The following DEAF1 variants were observed in gnomAD, a reference collection of about 807,000 sequenced individuals.
The protein encoded by DEAF1 is deformed epidermal autoregulatory factor 1 homolog.
Under a neutral mutation model 58.9 loss-of-function variants are expected in DEAF1, and 53 were observed. The ratio of observed to expected loss-of-function variants is 0.90; its 90% CI spans 0.72 to 1.13. DEAF1 has a LOEUF of 1.13. Ranked by LOEUF, DEAF1 falls within the 50% of genes most tolerant of loss-of-function variation. The pLI, the probability that DEAF1 is intolerant of heterozygous loss-of-function variation, is 0.00. For synonymous variants in DEAF1, 385 were observed against 340.4 expected (o/e 1.13, Z -1.44); for missense variants, 685 against 791.4 (o/e 0.87, Z 1.61).
At chr11:646,168 A>T (rs1461917593) in intron 11 of DEAF1, among the ~76,000 whole-genome samples, 1 of 142,696 alleles carries the variant, frequency 7.0e-6, no homozygotes, top group African/African-American at 2.6e-5. Flanking sequence ...CACAAGAATC[A>T]CTTGAACCTG....
In DEAF1 at chr11:671,171, G is replaced by A. The variant is rs570298746; in HGVS notation, c.1503+3365C>T. 1.5e-3 allele frequency among the ~76,000 whole-genome samples: 230 copies of A among 151,144 alleles called. 2 individuals are homozygous for A. Among genetic ancestry groups the A allele is most frequent in the Middle Eastern group, 6.8e-3 (2 of 294 alleles). On this transcript the variant is annotated intron_variant, in intron 10 of 11. Coordinates refer to ENST00000382409, the MANE Select transcript of DEAF1 (RefSeq NM_021008.4). ...TCTCGATCTCCTGACCTCGTGATCC[G>A]CCCGCCTCGGCCTCCCAAAGTGCTG... is the stretch of plus-strand genomic sequence containing the variant.
chr11:645,284 T>C (rs1275313319), intron 11 of DEAF1, among the ~76,000 whole-genome samples: 1 of 152,074 alleles, frequency 6.6e-6, no homozygotes, highest in African/African-American at 2.4e-5. Flanking sequence ...TATGTAAATA[T>C]TACATATGTA....
chr11:668,698 C>G (rs1233113633), intron 10 of DEAF1, among the ~76,000 whole-genome samples: 3 of 152,090 alleles, frequency 2.0e-5, no homozygotes, highest in African/African-American at 4.8e-5. Context: ...GGCACATGCC[C>G]ATAGTCCCAG....
At chr11:679,552 C>G in intron 8 of DEAF1, 136 bp downstream of exon 8, 1 of 1,383,072 alleles carries the variant, frequency 7.2e-7, no homozygotes, top group Non-Finnish European at 1.0e-6. Context: ...ACACGCTGTC[C>G]CCACCAACAA....
chr11:692,684 C>T (rs994564859), intron 1 of DEAF1, among the ~76,000 whole-genome samples: 3 of 152,058 alleles, frequency 2.0e-5, no homozygotes, highest in Non-Finnish European at 4.4e-5. Context: ...GAAACCCCAT[C>T]TCTACTAAAA....
chr11:698,277 A>T (rs779115658), upstream of DEAF1, among the ~76,000 whole-genome samples: 1 of 145,958 alleles, frequency 6.9e-6, no homozygotes. Context: ...GACTCCACTC[A>T]CTCCTCGGGC....
intron 6 of DEAF1, among the ~76,000 whole-genome samples, chr11:683,762 T>TAA (rs2133391687): frequency 6.6e-6 from 1 of 152,262 alleles, no homozygotes; most frequent in East Asian, 1.9e-4. Flanking sequence ...GCGCAGGACG[T>TAA]CTTTTGACGT....
In DEAF1 at chr11:691,597, C is replaced by G. The variant is rs1452206985; in HGVS notation, c.291G>C (p.Glu97Asp). The change falls in exon 2 of 12, where the codon GAG becomes GAC. Residue 97 changes from glutamate (E) to aspartate (D), a missense_variant and splice_region_variant. Physicochemically the swap from Glu to Asp is conservative, Grantham distance 45. This residue lies in a region of DEAF1 where 210 missense variants were observed against 177.3 expected (regional missense o/e 1.18). Transcript: ENST00000382409. ...DEAAAAAAFA[E>D]VTTVTVANVG... ...CGTTGGCCACTGTCACTGTGGTCAC[C>G]TCTGCAACAGAAGGAGCCTCATTTA... 2 of 1,613,228 alleles carry G rather than the reference C, an allele frequency of 1.2e-6. No individual in the cohort carries two copies. Among genetic ancestry groups the G allele is most frequent in the African/African-American group, 1.3e-5 (1 of 74,918 alleles).
chr11:704,179 C>A, intron 1 of DEAF1: 1 of 1,076,126 alleles, frequency 9.3e-7, no homozygotes, highest in Non-Finnish European at 1.2e-6. Context: ...TTCTCCTGCC[C>A]TGCAAGAGAG....
rs142116689 is a variant in DEAF1, at chr11:658,634, T to C, written c.1504-4583A>G. On this transcript the variant is annotated intron_variant, in intron 10 of 11. Coordinates refer to ENST00000382409, the MANE Select transcript of DEAF1 (RefSeq NM_021008.4). ...CTGCCCAGGCGCCCCAAGAAGCTCATGCTGCCAAGCAGCTGGCATTGCCAT... is the reference window on the plus strand; with the variant it reads ...CTGCCCAGGCGCCCCAAGAAGCTCACGCTGCCAAGCAGCTGGCATTGCCAT... Among the ~76,000 whole-genome samples, 392 of 152,382 alleles carry C rather than the reference T, an allele frequency of 2.6e-3. 3 individuals carry two copies. Among genetic ancestry groups the C allele is most frequent in the Non-Finnish European group, 3.7e-3 (255 of 68,028 alleles).
At chr11:703,806 C>T (rs939565091) in intron 1 of DEAF1, 11 of 1,232,980 alleles carry the variant, frequency 8.9e-6, no homozygotes, top group South Asian at 4.1e-5. Context: ...TCAGGGGCTT[C>T]GGAGGAGAGG....
chr11:692,815 T>C (rs1012583804), intron 1 of DEAF1, among the ~76,000 whole-genome samples: 4 of 150,828 alleles, frequency 2.7e-5, no homozygotes, highest in Admixed American at 6.6e-5. Flanking sequence ...ATCACACCAT[T>C]GCACTCCAGC....
upstream of DEAF1, chr11:695,765 G>C: frequency 2.4e-6 from 3 of 1,238,668 alleles, no homozygotes; most frequent in Non-Finnish European, 3.0e-6. Flanking sequence ...GGCCGAAGGA[G>C]CGCGAGCGCG....
At chr11:656,237 C>A (rs997692532) in intron 10 of DEAF1, among the ~76,000 whole-genome samples, 1 of 151,598 alleles carries the variant, frequency 6.6e-6, no homozygotes, top group African/African-American at 2.4e-5. Flanking sequence ...CTCATTGCAA[C>A]CACCACCTTC....
chr11:695,538 G>A (rs1861088495), upstream of DEAF1: 1 of 1,174,876 alleles, frequency 8.5e-7, no homozygotes, highest in Non-Finnish European at 1.1e-6. Context: ...GGTTTCGCCC[G>A]TTCCCGCCGC....
At chr11:704,303 G>A in intron 1 of DEAF1, 1 of 713,678 alleles carries the variant, frequency 1.4e-6, no homozygotes, top group Non-Finnish European at 2.0e-6. Flanking sequence ...GGACTGTCCT[G>A]GGCCTCCACT....
chr11:689,980 C>T (rs988489316), intron 2 of DEAF1, among the ~76,000 whole-genome samples: 5 of 151,812 alleles, frequency 3.3e-5, no homozygotes, highest in African/African-American at 9.7e-5. Flanking sequence ...AAACACAGAT[C>T]GCCACGTGGC....
At position 691,579 on chromosome 11, in the gene DEAF1, C is replaced by T; in HGVS notation, c.309G>A (p.Val103=). The change falls in exon 2 of 12, where the codon GTG becomes GTA. Residue 103 remains valine (V), a synonymous_variant. Coordinates refer to ENST00000382409, the MANE Select transcript of DEAF1 (RefSeq NM_021008.4). ...TGTCTGCAGCAGCCCCCACGTTGGCCACTGTCACTGTGGTCACCTCTGCAA... is the reference window on the plus strand; with the variant it reads ...TGTCTGCAGCAGCCCCCACGTTGGCTACTGTCACTGTGGTCACCTCTGCAA... The part of the protein sequence containing the change: ...AAFAEVTTVT[V]ANVGAAADNV... 1 of 1,613,698 alleles carries T rather than the reference C, an allele frequency of 6.2e-7. No individual in the cohort carries two copies. Among genetic ancestry groups the T allele is most frequent in the Non-Finnish European group, 8.5e-7 (1 of 1,179,994 alleles).
Position 688,475 on chromosome 11 carries a change from C to T in DEAF1, c.388-15G>A, listed in dbSNP as rs749155933. 4.3e-6 allele frequency: 7 copies of T among 1,613,422 alleles called. No homozygotes were observed. The highest frequency in any genetic ancestry group is 4.5e-5 in the East Asian group (2 of 44,874). On this transcript the variant is annotated splice_polypyrimidine_tract_variant and intron_variant, in intron 2 of 11. Coordinates refer to ENST00000382409, the MANE Select transcript of DEAF1 (RefSeq NM_021008.4). This position sits in a 1 kb window ranked among gnomAD's most constrained non-coding sequence, Gnocchi z 4.3. ...GTCCTACCAGACTAGAAGGAAAAAC[C>T]GCTCCGTCAGGTCACGTCCGAGAGT...
Sources: allele counts gnomAD v4.1 joint callset (sites outside exome capture counted in the v4.1 genomes callset), GRCh38; gene constraint gnomAD v4.1.1; regional missense constraint gnomAD v4.1.1; non-coding constraint Gnocchi (gnomAD v3.1); transcripts MANE v1.5; gene names NCBI Gene and HGNC (gene_info 2026-07-23, HGNC 2026-07-21).